Variants in TMEM132B observed in about 807,000 individuals in gnomAD.
TMEM132B encodes transmembrane protein 132B.
Under a neutral mutation model 90.8 loss-of-function variants are expected in TMEM132B, and 18 were observed. That is an observed-to-expected ratio of 0.20 (90% CI 0.14 to 0.29). The LOEUF (loss-of-function observed/expected upper bound fraction) is 0.29, where lower values mean the gene tolerates loss of function less well. Among genes scored for constraint, TMEM132B ranks in the 10% least tolerant of loss-of-function variants. The pLI is 1.00. For missense variants in TMEM132B, 1,096 were observed against 1,326.8 expected (o/e 0.83, Z 2.70); for synonymous variants, 504 against 523.3 (o/e 0.96, Z 0.50).
At chr12:125,377,435 T>C (rs1878527419) in intron 2 of TMEM132B, among the ~76,000 whole-genome samples, 1 of 151,868 alleles carries the variant, frequency 6.6e-6, no homozygotes, top group Admixed American at 6.6e-5. Flanking sequence ...AAGAGTGAGG[T>C]TGGGTGGTTA....
intron 4 of TMEM132B, 25 bp downstream of exon 4, chr12:125,519,650 GA>G: frequency 6.2e-7 from 1 of 1,611,794 alleles, no homozygotes; most frequent in Non-Finnish European, 8.5e-7. Context: ...GGTTTCAGAG[GA>G]AGTGTCACAA....
chr12:125,377,107 G>A (rs192123816), intron 2 of TMEM132B, among the ~76,000 whole-genome samples: 103 of 152,354 alleles, frequency 6.8e-4, no homozygotes, highest in Non-Finnish European at 5.1e-4. Context: ...CTGCTGCTAT[G>A]CAGGTCTGCA....
intron 3 of TMEM132B, among the ~76,000 whole-genome samples, chr12:125,432,568 A>G (rs12426859): frequency 0.18 from 7,292 of 40,260 alleles, 672 homozygotes; most frequent in Middle Eastern, 0.29. Context: ...GAGAGAGAGA[A>G]AGAGAGTGTT....
intron 1 of TMEM132B, among the ~76,000 whole-genome samples, chr12:125,272,636 G>C (rs1874870189): frequency 6.6e-6 from 1 of 152,130 alleles, no homozygotes; most frequent in Non-Finnish European, 1.5e-5. Flanking sequence ...GGGTGCAGTT[G>C]GATTATTTTT....
At chr12:125,635,401 C>T (rs1456399630) in intron 5 of TMEM132B, among the ~76,000 whole-genome samples, 1 of 151,998 alleles carries the variant, frequency 6.6e-6, no homozygotes, top group Non-Finnish European at 1.5e-5. Flanking sequence ...GTTTGGTTTT[C>T]TGTTCCTGTG....
intron 1 of TMEM132B, among the ~76,000 whole-genome samples, chr12:125,245,319 GCCCCCACCATGCCTGCCAGGAAAAGAC>G (rs1874181662): frequency 6.8e-6 from 1 of 147,620 alleles, no homozygotes. Flanking sequence ...TGCTACTCTG[GCCCCCACCATGCCTGCCAGGAAAAGAC>G]CCCCCGCAAC....
At chr12:125,527,441 TACCCTTCCATCCACCCATCC>T (rs1231328513) in intron 4 of TMEM132B, among the ~76,000 whole-genome samples, 41 of 37,760 alleles carry the variant, frequency 1.1e-3, no homozygotes, top group Admixed American at 3.7e-3. Context: ...TCCACCTATT[TACCCTTCCATCCACCCATCC>T]ACCCTTCCAT....
chr12:125,500,032 T>C (rs537254423), intron 3 of TMEM132B, among the ~76,000 whole-genome samples: 204 of 152,288 alleles, frequency 1.3e-3, no homozygotes, highest in Non-Finnish European at 2.6e-3. Context: ...TAAATGCTGG[T>C]ATATCCAGTG....
chr12:125,223,653 ACT>A (rs1323907802), intron 1 of TMEM132B, among the ~76,000 whole-genome samples: 1 of 151,998 alleles, frequency 6.6e-6, no homozygotes, highest in Non-Finnish European at 1.5e-5. Context: ...TTTAACAGTT[ACT>A]CTCTGTCCCG....
chr12:125,213,108 G>A lies in TMEM132B; in HGVS notation c.67+26242G>A, dbSNP rs372762677. Among the ~76,000 whole-genome samples the A allele has an allele frequency of 1.3e-5, 2 of 152,138 alleles. No homozygotes were observed. The highest frequency in any genetic ancestry group is 1.9e-4 in the East Asian group (1 of 5,200). Reference sequence around the variant, plus strand: ...ACTGCCTTCAACCCCTGGCAAATACGCTTCTACTTTCTATTCTATGGATGT... The same window carrying A: ...ACTGCCTTCAACCCCTGGCAAATACACTTCTACTTTCTATTCTATGGATGT... On this transcript the variant is annotated intron_variant, in intron 1 of 8. Transcript: ENST00000682704. This position sits in a 1 kb window ranked among gnomAD's most constrained non-coding sequence, Gnocchi z 4.2.
chr12:125,519,736 A>G, intron 4 of TMEM132B, 111 bp downstream of exon 4: 1 of 1,098,870 alleles, frequency 9.1e-7, no homozygotes, highest in South Asian at 1.5e-5. Context: ...TTAAACAAGG[A>G]AAATATACTT....
intron 2 of TMEM132B, among the ~76,000 whole-genome samples, chr12:125,411,367 G>GC (rs1434256567): frequency 2.6e-5 from 2 of 76,480 alleles, no homozygotes; most frequent in African/African-American, 4.0e-5. Context: ...TCAGAGGGTG[G>GC]GGGGGGGCCT....
chr12:125,311,740 G>A (rs1041128802), intron 1 of TMEM132B, among the ~76,000 whole-genome samples: 2 of 152,188 alleles, frequency 1.3e-5, no homozygotes, highest in Non-Finnish European at 2.9e-5. Flanking sequence ...GGCAGACAGC[G>A]GGCAGGCCAG....
At chr12:125,579,220 C>G (rs1164564272) in intron 4 of TMEM132B, among the ~76,000 whole-genome samples, 2 of 152,030 alleles carry the variant, frequency 1.3e-5, no homozygotes, top group Non-Finnish European at 2.9e-5. Flanking sequence ...TCTGTCTGCT[C>G]AAATCTGCTG....
rs906046944 is a variant in TMEM132B at position 125,490,335 on chromosome 12, T to C, written c.1107-29104T>C. Reference sequence around the variant, plus strand: ...AAGACAGAAGGGGAATTCATACCCGTATCTGCCCAGCCTCAAAGTTCAACT... The same window carrying C: ...AAGACAGAAGGGGAATTCATACCCGCATCTGCCCAGCCTCAAAGTTCAACT... On this transcript the variant is annotated intron_variant, in intron 3 of 8. Coordinates refer to ENST00000682704, the MANE Select transcript of TMEM132B (RefSeq NM_001366854.1). The surrounding 1 kb of genome is among the most constrained non-coding windows in gnomAD (Gnocchi z 4.2). Among the ~76,000 whole-genome samples the C allele has an allele frequency of 6.6e-6, 1 of 152,174 alleles. No individual in the cohort carries two copies. The highest frequency in any genetic ancestry group is 1.5e-5 in the Non-Finnish European group (1 of 68,042).
chr12:125,583,552 G>A (rs1332741408), intron 4 of TMEM132B, among the ~76,000 whole-genome samples: 1 of 152,146 alleles, frequency 6.6e-6, no homozygotes, highest in Admixed American at 6.6e-5. Context: ...TGAGTCTGTG[G>A]GACTGAGGGC....
At chr12:125,223,665 G>A (rs932571353) in intron 1 of TMEM132B, among the ~76,000 whole-genome samples, 1 of 152,014 alleles carries the variant, frequency 6.6e-6, no homozygotes, top group African/African-American at 2.4e-5. Context: ...TCTCTGTCCC[G>A]CTACCCCCAG....
chr12:125,456,475 C>T (rs1397090048), intron 3 of TMEM132B, among the ~76,000 whole-genome samples: 30 of 152,216 alleles, frequency 2.0e-4, no homozygotes, highest in African/African-American at 7.0e-4. Context: ...CACTCACTGT[C>T]GGGGCCCTGC....
At chr12:125,489,468 G>A (rs1393562577) in intron 3 of TMEM132B, among the ~76,000 whole-genome samples, 1 of 151,960 alleles carries the variant, frequency 6.6e-6, no homozygotes, top group Non-Finnish European at 1.5e-5. Flanking sequence ...GAATGCAGTG[G>A]CACAATCATA....
Sources: gnomAD v4.1 joint callset for allele counts (sites outside exome capture counted in the v4.1 genomes callset) on GRCh38, gnomAD v4.1.1 for gene constraint, Gnocchi (gnomAD v3.1) non-coding constraint, MANE v1.5 for transcripts, NCBI Gene and HGNC (gene_info 2026-07-23, HGNC 2026-07-21) for gene names.